LRRK1: variants seen among roughly 807,000 people sequenced by gnomAD.
The protein encoded by LRRK1 is leucine rich repeat kinase 1.
In LRRK1, 113 loss-of-function variants were observed where a neutral mutation model predicts 209.1. The ratio of observed to expected loss-of-function variants is 0.54; its 90% CI spans 0.46 to 0.63. The LOEUF (loss-of-function observed/expected upper bound fraction) is 0.63. LRRK1 is among the 30% of genes least tolerant of loss of function. LRRK1 has a pLI of 0.00. For missense variants in LRRK1, 2,284 were observed against 2,632.2 expected (o/e 0.87, Z 2.89); for synonymous variants, 1,144 against 1,099.7 (o/e 1.04, Z -0.80).
At chr15:100,956,455 C>CTTTTTTTTTTTTTTTTTTTTTTTTTTTT (rs776326423) in intron 2 of LRRK1, among the ~76,000 whole-genome samples, 6 of 60,532 alleles carry the variant, frequency 9.9e-5, no homozygotes, top group African/African-American at 4.3e-4. Context: ...TTTTTTTTTT[C>CTTTTTTTTTTTTTTTTTTTTTTTTTTTT]TTTTTTTTTT....
At chr15:101,062,328 T>A in intron 30 of LRRK1, 1 of 394,332 alleles carries the variant, frequency 2.5e-6, no homozygotes, top group Non-Finnish European at 4.6e-6. Flanking sequence ...CAGATCCCAA[T>A]GTTGGTTTTC....
At chr15:101,002,258 A>G (rs962237956) in intron 6 of LRRK1, among the ~76,000 whole-genome samples, 2 of 152,244 alleles carry the variant, frequency 1.3e-5, no homozygotes, top group Admixed American at 6.5e-5. Context: ...AGCAGCCTCC[A>G]TCACCAGATG....
chr15:100,943,209 A>AG (rs2141613248), intron 2 of LRRK1, among the ~76,000 whole-genome samples: 1 of 152,220 alleles, frequency 6.6e-6, no homozygotes, highest in Admixed American at 6.5e-5. Context: ...TTTTACTCCA[A>AG]GGGGGTGTAA....
At chr15:101,040,598 A>G (rs2034704582) in intron 20 of LRRK1, among the ~76,000 whole-genome samples, 4 of 152,206 alleles carry the variant, frequency 2.6e-5, no homozygotes, top group Admixed American at 1.3e-4. Context: ...TTCTTAAGGT[A>G]GAAGCTTAGG....
At chr15:101,034,933 T>C (rs1427340253) in intron 20 of LRRK1, among the ~76,000 whole-genome samples, 1 of 152,168 alleles carries the variant, frequency 6.6e-6, no homozygotes, top group Non-Finnish European at 1.5e-5. Context: ...GTGGTATCAG[T>C]TGTAATGTCT....
intron 2 of LRRK1, among the ~76,000 whole-genome samples, chr15:100,939,497 T>G (rs2042362255): frequency 1.3e-5 from 2 of 152,244 alleles, no homozygotes; most frequent in African/African-American, 4.8e-5. Context: ...AGTCACAGAA[T>G]GTCTAATTGT....
Position 101,027,621 on chromosome 15 carries a change from G to A in LRRK1, c.2527-17G>A, listed in dbSNP as rs919373539. On this transcript the variant is annotated splice_polypyrimidine_tract_variant and intron_variant, in intron 18 of 33. Transcript: ENST00000388948. The surrounding 1 kb of genome is among the most constrained non-coding windows in gnomAD (Gnocchi z 5.1). ...CTTGGGACCTGAGAGACCCTGCCTC[G>A]CCCAACTGTCCCCCAGATCCCCAGG... is the stretch of plus-strand genomic sequence containing the variant. 7.5e-6 allele frequency: 12 copies of A among 1,607,518 alleles called. No individual in the cohort carries two copies. Among genetic ancestry groups the A allele is most frequent in the African/African-American group, 2.7e-5 (2 of 74,822 alleles).
At chr15:100,968,080 A>AT (rs1293157415) in intron 2 of LRRK1, among the ~76,000 whole-genome samples, 10 of 151,934 alleles carry the variant, frequency 6.6e-5, no homozygotes, top group Non-Finnish European at 1.0e-4. Context: ...CACCCTTCTG[A>AT]TTTTTTTTCA....
intron 3 of LRRK1, among the ~76,000 whole-genome samples, chr15:100,981,476 C>T (rs1416763539): frequency 6.6e-6 from 1 of 152,166 alleles, no homozygotes; most frequent in Non-Finnish European, 1.5e-5. Context: ...GATCCCAGCC[C>T]CTTAGACTGT....
chr15:101,015,424 G>T, intron 12 of LRRK1, 22 bp downstream of exon 12: 1 of 1,594,174 alleles, frequency 6.3e-7, no homozygotes, highest in Non-Finnish European at 8.6e-7. Flanking sequence ...TTGGGAGACG[G>T]TGTTCCCAGA....
In LRRK1 at chr15:101,077,173, AG is replaced by A. The variant is rs1555485818; in HGVS notation, c.*8327del. 6.6e-6 allele frequency: 1 copy of A among 151,294 alleles called. No homozygotes were observed. Among genetic ancestry groups the A allele is most frequent in the Non-Finnish European group, 1.5e-5 (1 of 67,714 alleles). The allele number at this position is 151,294 out of a possible 1,614,324, so 9.4% of individuals were successfully genotyped here. Reference sequence around the variant, plus strand: ...TCAGGCCTGTCCTTGGAATGCTACAAGGTACAGCCCATTTGAGCTCCTGTAT... The same window carrying A: ...TCAGGCCTGTCCTTGGAATGCTACAAGTACAGCCCATTTGAGCTCCTGTAT... On this transcript the variant is annotated 3_prime_UTR_variant, in exon 34 of 34. Coordinates refer to ENST00000388948, the MANE Select transcript of LRRK1 (RefSeq NM_024652.6).
intron 7 of LRRK1, 99 bp downstream of exon 7, chr15:101,009,162 A>T: frequency 1.0e-6 from 1 of 960,938 alleles, no homozygotes; most frequent in African/African-American, 1.6e-5. Context: ...TTTGGGGGAA[A>T]AATGTTCTGG....
chr15:100,959,895 C>G (rs2042840975), intron 2 of LRRK1, among the ~76,000 whole-genome samples: 1 of 152,082 alleles, frequency 6.6e-6, no homozygotes. Context: ...CAGTAGATGG[C>G]ATGATTGGAA....
chr15:101,004,209 G>T (rs2032837019), intron 6 of LRRK1, among the ~76,000 whole-genome samples: 1 of 152,158 alleles, frequency 6.6e-6, no homozygotes, highest in Admixed American at 6.5e-5. Context: ...TAGATCAGAG[G>T]CTGCTCTGGG....
chr15:100,972,917 TACACAC>T (rs10629976), intron 2 of LRRK1, among the ~76,000 whole-genome samples: 2 of 123,826 alleles, frequency 1.6e-5, no homozygotes. Context: ...CGAAAAACTG[TACACAC>T]ACACACACAC....
At chr15:101,028,100 G>A (rs191630098) in intron 19 of LRRK1, among the ~76,000 whole-genome samples, 1 of 127,828 alleles carries the variant, frequency 7.8e-6, no homozygotes, top group East Asian at 2.1e-4. Flanking sequence ...AGTTACAATC[G>A]ATTCTCATTA....
chr15:101,043,999 C>A (rs2034910876), intron 20 of LRRK1: 2 of 152,184 alleles, frequency 1.3e-5, no homozygotes, highest in South Asian at 4.2e-4. Flanking sequence ...GTACTCATAG[C>A]CATGGTGTCG....
Position 101,049,794 on chromosome 15 carries a change from A to G in LRRK1, c.3439+11A>G. On this transcript the variant is annotated intron_variant, in intron 23 of 33. Transcript: ENST00000388948. The stretch of plus-strand genomic sequence containing the variant: ...ATCAGTGGTTTCCCGGTAAGAGGAG[A>G]TGCTAGAAGCAAGCCCTCATTCATG... 1 of 1,610,084 alleles carries G rather than the reference A, an allele frequency of 6.2e-7. No homozygotes were observed. The highest frequency in any genetic ancestry group is 8.5e-7 in the Non-Finnish European group (1 of 1,178,038).
At position 100,919,422 on chromosome 15, in the gene LRRK1, C is replaced by G. The variant is rs1298264098; in HGVS notation, c.-152C>G. On this transcript the variant is annotated 5_prime_UTR_variant, in exon 1 of 34. Transcript: ENST00000388948. The surrounding 1 kb of genome is among the most constrained non-coding windows in gnomAD (Gnocchi z 5.8). ...GTCCGCCCGGCCCCGCGTCCCGGAG[C>G]GCCCGCACCCGGCCCCGCCGCCGCC... 1.3e-5 allele frequency: 2 copies of G among 149,390 alleles called. No homozygotes were observed. Among genetic ancestry groups the G allele is most frequent in the African/African-American group, 4.9e-5 (2 of 41,026 alleles). The allele number at this position is 149,390 out of a possible 1,614,324, so 9.3% of individuals were successfully genotyped here.
Sources: gnomAD v4.1 joint callset for allele counts (sites outside exome capture counted in the v4.1 genomes callset) on GRCh38, gnomAD v4.1.1 for gene constraint, Gnocchi (gnomAD v3.1) non-coding constraint, MANE v1.5 for transcripts, NCBI Gene and HGNC (gene_info 2026-07-23, HGNC 2026-07-21) for gene names.